The following PCDHGB6 variants were observed in gnomAD, a reference collection of about 807,000 sequenced individuals.
PCDHGB6 encodes protocadherin gamma subfamily B, 6.
PCDHGB6 carries 51 observed loss-of-function variants against 59.1 expected under a neutral mutation model. The ratio of observed to expected loss-of-function variants is 0.86; its 90% confidence interval spans 0.69 to 1.09. The LOEUF (loss-of-function observed/expected upper bound fraction) is 1.09, where lower values mean the gene tolerates loss of function less well. PCDHGB6 is among the 50% of genes least tolerant of loss of function. The probability of loss-of-function intolerance (pLI) is 0.00; values close to 1 mark genes in which losing one functional copy is unlikely to be tolerated. For missense variants in PCDHGB6, 1,148 were observed against 1,205.1 expected (o/e 0.95, Z 0.70); for synonymous variants, 466 against 495.1 (o/e 0.94, Z 0.78).
chr5:141,461,072 A>C (rs555905734), intron 1 of PCDHGB6, among the ~76,000 whole-genome samples: 1 of 151,688 alleles, frequency 6.6e-6, no homozygotes, highest in African/African-American at 2.4e-5. Context: ...ACATTTTTGC[A>C]ATTGTGAATT....
At chr5:141,449,837 T>A (rs917239289) in intron 1 of PCDHGB6, among the ~76,000 whole-genome samples, 3 of 151,742 alleles carry the variant, frequency 2.0e-5, no homozygotes, top group Non-Finnish European at 4.4e-5. Context: ...TTCTTTTATA[T>A]AATTAAATTT....
intron 1 of PCDHGB6, among the ~76,000 whole-genome samples, chr5:141,457,543 A>G (rs555448211): frequency 2.6e-5 from 4 of 152,346 alleles, no homozygotes; most frequent in African/African-American, 9.6e-5. Flanking sequence ...TTAATGACAA[A>G]TGTATGATAA....
intron 1 of PCDHGB6, among the ~76,000 whole-genome samples, chr5:141,450,776 C>T (rs757791026): frequency 4.0e-5 from 6 of 151,440 alleles, no homozygotes; most frequent in Non-Finnish European, 8.8e-5. Context: ...CATGAGCCAC[C>T]GTGCCCGGAC....
rs1369150914 is a variant in PCDHGB6 at position 141,432,217 on chromosome 5, G to A, written c.2418+21597G>A. The A allele has an allele frequency of 3.1e-6, 5 of 1,614,204 alleles. No individual in the cohort carries two copies. The East Asian group carries it at 6.7e-5, about 22-fold the overall frequency. On this transcript the variant is annotated intron_variant, in intron 1 of 3. Coordinates refer to ENST00000520790, the MANE Select transcript of PCDHGB6 (RefSeq NM_018926.3). The surrounding 1 kb of genome is among the most constrained non-coding windows in gnomAD (Gnocchi z 6.0). ...ACCCCGACTGTGAAGAGAACGCCCAGATCACTTATTCCCTGGCTGAGAACA... is the reference window on the plus strand; with the variant it reads ...ACCCCGACTGTGAAGAGAACGCCCAAATCACTTATTCCCTGGCTGAGAACA...
Position 141,432,949 on chromosome 5 carries a change from C to T in PCDHGB6, c.2418+22329C>T. 1.2e-6 allele frequency: 2 copies of T among 1,614,184 alleles called. No homozygotes were observed. Among genetic ancestry groups the T allele is most frequent in the Non-Finnish European group, 1.7e-6 (2 of 1,180,040 alleles). On this transcript the variant is annotated intron_variant, in intron 1 of 3. Coordinates refer to ENST00000520790, the MANE Select transcript of PCDHGB6 (RefSeq NM_018926.3). This position sits in a 1 kb window ranked among gnomAD's most constrained non-coding sequence, Gnocchi z 6.0. Reference sequence around the variant, plus strand: ...CACGCCTGCTGCAGGCTTCAGGAGGCGGCTTGACAGGAGCGCCGGCGTCGC... The same window carrying T: ...CACGCCTGCTGCAGGCTTCAGGAGGTGGCTTGACAGGAGCGCCGGCGTCGC...
In PCDHGB6 at chr5:141,485,629, C is replaced by G. The variant is rs1028146827; in HGVS notation, c.2419-9178C>G. The G allele has an allele frequency of 1.2e-6, 2 of 1,611,902 alleles. No individual in the cohort carries two copies. The highest frequency in any genetic ancestry group is 3.3e-5 in the Admixed American group (2 of 59,922). On this transcript the variant is annotated intron_variant, in intron 1 of 3. Coordinates refer to ENST00000520790, the MANE Select transcript of PCDHGB6 (RefSeq NM_018926.3). This position sits in a 1 kb window ranked among gnomAD's most constrained non-coding sequence, Gnocchi z 5.7. ...AGGCAGCTCCTCCAGGACAGCGTTTCCCGTTGGAAAAGGCTCAGGATGCAG... is the reference window on the plus strand; with the variant it reads ...AGGCAGCTCCTCCAGGACAGCGTTTGCCGTTGGAAAAGGCTCAGGATGCAG...
chr5:141,459,090 A>G (rs769066156), intron 1 of PCDHGB6, among the ~76,000 whole-genome samples: 4 of 152,218 alleles, frequency 2.6e-5, no homozygotes, highest in Non-Finnish European at 4.4e-5. Flanking sequence ...TTAAAATTAT[A>G]CAGTGCAATG....
At chr5:141,413,082 A>T in intron 1 of PCDHGB6, 8 of 1,344,446 alleles carry the variant, frequency 6.0e-6, no homozygotes, top group Non-Finnish European at 8.1e-6. Context: ...CCCAGGCTAC[A>T]GAGACACCCT....
Position 141,433,362 on chromosome 5 carries a change from T to G in PCDHGB6, c.2418+22742T>G, listed in dbSNP as rs1285511534. ...GTGCAAGCCACCTACTGTCTGCCTA[T>G]CTATCTATCTATCTATCTATCTATC... On this transcript the variant is annotated intron_variant, in intron 1 of 3. Transcript: ENST00000520790. 4 of 299,814 alleles carry G rather than the reference T, an allele frequency of 1.3e-5. No individual in the cohort carries two copies. In the East Asian group the frequency reaches 1.8e-4, roughly 14 times the overall value. 18.6% of individuals were successfully genotyped at this position (299,814 alleles called of 1,614,324 possible). A position where few individuals can be genotyped will look rare whatever the true frequency, so the allele number is the denominator to read the frequency against.
intron 1 of PCDHGB6, among the ~76,000 whole-genome samples, chr5:141,451,138 A>T (rs1348825654): frequency 6.6e-6 from 1 of 152,242 alleles, no homozygotes; most frequent in East Asian, 1.9e-4. Flanking sequence ...TTATGATTGT[A>T]TTTAGACTAG....
chr5:141,496,839 A>G (rs2099771783), intron 2 of PCDHGB6, among the ~76,000 whole-genome samples: 1 of 151,484 alleles, frequency 6.6e-6, no homozygotes. Flanking sequence ...CAGAACTCAT[A>G]GGCTTCCAGA....
chr5:141,446,757 G>A (rs769049265), intron 1 of PCDHGB6, among the ~76,000 whole-genome samples: 10 of 152,158 alleles, frequency 6.6e-5, no homozygotes, highest in African/African-American at 1.4e-4. Context: ...GTGAGCCACC[G>A]CGCCCAGCCG....
chr5:141,431,506 G>T lies in PCDHGB6; in HGVS notation c.2418+20886G>T. 1.2e-6 allele frequency: 2 copies of T among 1,613,988 alleles called. No homozygotes were observed. Among genetic ancestry groups the T allele is most frequent in the South Asian group, 2.2e-5 (2 of 91,084 alleles). The stretch of plus-strand genomic sequence containing the variant: ...CGTTTGCTCAGCCCGAGTACCGCGC[G>T]AGCGTTCCGGAGAATCTGGCCTTGG... On this transcript the variant is annotated intron_variant, in intron 1 of 3. Coordinates refer to ENST00000520790, the MANE Select transcript of PCDHGB6 (RefSeq NM_018926.3). This position sits in a 1 kb window ranked among gnomAD's most constrained non-coding sequence, Gnocchi z 4.8.
intron 2 of PCDHGB6, among the ~76,000 whole-genome samples, chr5:141,497,132 G>T (rs2099774325): frequency 6.6e-6 from 1 of 152,046 alleles, no homozygotes; most frequent in Non-Finnish European, 1.5e-5. Context: ...GTTGCAGTGA[G>T]CTGAGATCAC....
rs1375121802 is a variant in PCDHGB6 at position 141,432,471 on chromosome 5, G to A, written c.2418+21851G>A. 2 of 1,614,094 alleles carry A rather than the reference G, an allele frequency of 1.2e-6. No homozygotes were observed. Among genetic ancestry groups the A allele is most frequent in the African/African-American group, 2.7e-5 (2 of 74,946 alleles). ...CTGTACCCCGCCCTCCCCACGGACG[G>A]TTCCACTGGCGTGGAGCTGGCTCCC... is the stretch of plus-strand genomic sequence containing the variant. On this transcript the variant is annotated intron_variant, in intron 1 of 3. Coordinates refer to ENST00000520790, the MANE Select transcript of PCDHGB6 (RefSeq NM_018926.3). The surrounding 1 kb of genome is among the most constrained non-coding windows in gnomAD (Gnocchi z 6.0).
intron 1 of PCDHGB6, chr5:141,427,677 C>G: frequency 1.2e-6 from 1 of 816,672 alleles, no homozygotes; most frequent in Non-Finnish European, 2.1e-6. Context: ...AAACAACCTT[C>G]CCGGAGCCTC....
chr5:141,472,268 A>G (rs399559), intron 1 of PCDHGB6, among the ~76,000 whole-genome samples: 152,324 of 152,332 alleles, frequency 1, 76,158 homozygotes, highest in Middle Eastern at 1. Flanking sequence ...ATAGCCGGGC[A>G]CAGTGGCTCA....
Position 141,490,820 on chromosome 5 carries a change from T to G in PCDHGB6, c.2419-3987T>G. On this transcript the variant is annotated intron_variant, in intron 1 of 3. Transcript: ENST00000520790. The surrounding 1 kb of genome is among the most constrained non-coding windows in gnomAD (Gnocchi z 5.4). ...CAGCGTACCTTTGACTATGAATTGC[T>G]GCAGATGCTGCAGATTGTGGTGGGG... 6.2e-7 allele frequency: 1 copy of G among 1,613,820 alleles called. No homozygotes were observed. Among genetic ancestry groups the G allele is most frequent in the Non-Finnish European group, 8.5e-7 (1 of 1,179,768 alleles).
intron 3 of PCDHGB6, 152 bp from the exon 4 acceptor site, chr5:141,510,795 G>C (rs994874330): frequency 9.3e-5 from 136 of 1,465,100 alleles, no homozygotes; most frequent in Admixed American, 1.7e-4. Flanking sequence ...CTTGTGAAGA[G>C]AGACTACCTT....
Sources: allele counts gnomAD v4.1 joint callset (sites outside exome capture counted in the v4.1 genomes callset), GRCh38; gene constraint gnomAD v4.1.1; non-coding constraint Gnocchi (gnomAD v3.1); transcripts MANE v1.5; gene names NCBI Gene and HGNC (gene_info 2026-07-23, HGNC 2026-07-21).